FHIT: variants seen among roughly 807,000 people sequenced by gnomAD.
FHIT encodes the protein bis(5'-adenosyl)-triphosphatase.
In FHIT, 19 loss-of-function variants were observed where a neutral mutation model predicts 17.9. That is an observed-to-expected ratio of 1.06 (90% confidence interval 0.74 to 1.56). The LOEUF (loss-of-function observed/expected upper bound fraction) is 1.56. Among genes scored for constraint, FHIT ranks in the 40% most tolerant of loss-of-function variants. The pLI is 0.00. For synonymous variants in FHIT, 81 were observed against 69.7 expected (o/e 1.16, Z -0.81); for missense variants, 248 against 189.2 (o/e 1.31, Z -1.82).
intron 1 of FHIT, among the ~76,000 whole-genome samples, chr3:61,220,074 T>G (rs903002838): frequency 6.6e-6 from 1 of 152,202 alleles, no homozygotes; most frequent in Admixed American, 6.5e-5. Flanking sequence ...CTTTAACAAT[T>G]ATTTACATAC....
chr3:60,977,289 G>A (rs1055556480), intron 3 of FHIT, among the ~76,000 whole-genome samples: 8 of 152,068 alleles, frequency 5.3e-5, no homozygotes, highest in Non-Finnish European at 8.8e-5. Context: ...CAGCATTACC[G>A]GTGGCAAGTT....
intron 8 of FHIT, among the ~76,000 whole-genome samples, chr3:59,852,060 A>T (rs986243768): frequency 1.3e-5 from 2 of 152,200 alleles, no homozygotes; most frequent in South Asian, 4.1e-4. Flanking sequence ...AAACTGTTAC[A>T]TTGAGTAGTT....
chr3:59,859,872 G>C (rs373939550), intron 8 of FHIT, among the ~76,000 whole-genome samples: 5 of 152,198 alleles, frequency 3.3e-5, no homozygotes, highest in African/African-American at 1.2e-4. Flanking sequence ...AATGGGGCCT[G>C]TGGACTGAAT....
rs1323135943 is a variant in FHIT, at chr3:60,595,844, C to T, written c.-17-58865G>A. On this transcript the variant is annotated intron_variant, in intron 4 of 9. Transcript: ENST00000492590. ...TAAGAGATGGGGTCTTGCTGTGTTG[C>T]CCAGGCTGGTCTTGAACTCCTGGCC... Among the ~76,000 whole-genome samples the T allele has an allele frequency of 2.0e-5, 3 of 151,868 alleles. No individual in the cohort carries two copies. In the East Asian group the frequency reaches 5.8e-4, roughly 29 times the overall value.
chr3:60,158,629 G>A lies in FHIT; in HGVS notation c.104-144477C>T, dbSNP rs193095198. Among the ~76,000 whole-genome samples, 25 of 152,162 alleles carry A rather than the reference G, an allele frequency of 1.6e-4. No homozygotes were observed. The East Asian group carries it at 2.9e-3, about 18-fold the overall frequency. On this transcript the variant is annotated intron_variant, in intron 5 of 9. Transcript: ENST00000492590. ...GCCCGGCCTCATACTTTCTCTAAGC[G>A]CAGACAAAGAAAAGGTCACTGCACA...
chr3:61,194,835 A>G (rs2038810856), intron 2 of FHIT, among the ~76,000 whole-genome samples: 1 of 152,194 alleles, frequency 6.6e-6, no homozygotes, highest in Non-Finnish European at 1.5e-5. Flanking sequence ...ATTAACACCA[A>G]AAGAACACTT....
At chr3:60,058,135 T>G (rs568284994) in intron 5 of FHIT, among the ~76,000 whole-genome samples, 1,770 of 116,192 alleles carry the variant, frequency 0.015, 41 homozygotes, top group African/African-American at 0.056. Context: ...GTTGTGTTTT[T>G]TTTTTTTTTT....
At chr3:60,592,813 G>A (rs2038131008) in intron 4 of FHIT, among the ~76,000 whole-genome samples, 1 of 152,124 alleles carries the variant, frequency 6.6e-6, no homozygotes, top group Non-Finnish European at 1.5e-5. Flanking sequence ...GAGGTAGTAG[G>A]AAAGTAGCCT....
intron 3 of FHIT, among the ~76,000 whole-genome samples, chr3:60,843,666 C>CG (rs1702819180): frequency 7.8e-6 from 1 of 128,354 alleles, no homozygotes; most frequent in African/African-American, 2.9e-5. Context: ...GCTGCTTCTC[C>CG]AAATATAATT....
chr3:61,118,481 G>C (rs2036365936), intron 2 of FHIT, among the ~76,000 whole-genome samples: 2 of 152,146 alleles, frequency 1.3e-5, no homozygotes, highest in Admixed American at 1.3e-4. Context: ...CCTCTATCCA[G>C]AATTAAAGCC....
intron 4 of FHIT, among the ~76,000 whole-genome samples, chr3:60,573,744 A>G (rs1413911434): frequency 6.6e-6 from 1 of 152,098 alleles, no homozygotes; most frequent in Non-Finnish European, 1.5e-5. Context: ...TTCTTCCTCT[A>G]CAGAGAAAAC....
intron 3 of FHIT, among the ~76,000 whole-genome samples, chr3:60,939,513 T>C (rs1553773966): frequency 1.3e-5 from 2 of 152,174 alleles, no homozygotes; most frequent in South Asian, 2.1e-4. Flanking sequence ...ACAGACTTCC[T>C]ATTTTTAAAA....
chr3:60,028,813 T>G (rs894228869), intron 5 of FHIT, among the ~76,000 whole-genome samples: 4 of 152,184 alleles, frequency 2.6e-5, no homozygotes, highest in African/African-American at 9.7e-5. Context: ...GAATTTATGA[T>G]GCAGAAGAAA....
At chr3:59,870,784 CTAG>C (rs1702880904) in intron 8 of FHIT, among the ~76,000 whole-genome samples, 1 of 152,110 alleles carries the variant, frequency 6.6e-6, no homozygotes, top group Admixed American at 6.5e-5. Flanking sequence ...CCTGTTATTG[CTAG>C]AAGCAGACAC....
At chr3:60,191,564 C>G (rs921050116) in intron 5 of FHIT, among the ~76,000 whole-genome samples, 2 of 152,146 alleles carry the variant, frequency 1.3e-5, no homozygotes, top group African/African-American at 4.8e-5. Context: ...GCATGATCCT[C>G]TCCTCCAGAA....
At chr3:60,290,482 AAC>A (rs1329430989) in intron 5 of FHIT, among the ~76,000 whole-genome samples, 4 of 152,032 alleles carry the variant, frequency 2.6e-5, no homozygotes, top group Admixed American at 1.3e-4. Flanking sequence ...AACTGAGACC[AAC>A]AGTCAACAAC....
chr3:60,852,471 T>C (rs538923367), intron 3 of FHIT, among the ~76,000 whole-genome samples: 1 of 152,088 alleles, frequency 6.6e-6, no homozygotes, highest in Non-Finnish European at 1.5e-5. Flanking sequence ...AAAACCCAAA[T>C]GCAAGTATTA....
At chr3:60,892,270 A>C (rs1553760896) in intron 3 of FHIT, among the ~76,000 whole-genome samples, 1 of 152,174 alleles carries the variant, frequency 6.6e-6, no homozygotes, top group Non-Finnish European at 1.5e-5. Flanking sequence ...TTGGCTAAAT[A>C]TAAAGTAAGC....
At chr3:59,899,294 C>T (rs925917308) in intron 8 of FHIT, among the ~76,000 whole-genome samples, 2 of 152,194 alleles carry the variant, frequency 1.3e-5, no homozygotes, top group African/African-American at 4.8e-5. Flanking sequence ...ATGATCTCAT[C>T]TGAGCAGGCA....
Sources: allele counts gnomAD v4.1 joint callset (sites outside exome capture counted in the v4.1 genomes callset), GRCh38; gene constraint gnomAD v4.1.1; transcripts MANE v1.5; gene names NCBI Gene and HGNC (gene_info 2026-07-23, HGNC 2026-07-21).